The following SLC4A4 variants were observed in gnomAD, a reference collection of about 807,000 sequenced individuals.
SLC4A4 encodes electrogenic sodium bicarbonate cotransporter 1.
SLC4A4 carries 27 observed loss-of-function variants against 111.5 expected under a neutral mutation model. That is an observed-to-expected ratio of 0.24 (90% CI 0.18 to 0.33). SLC4A4 has a LOEUF of 0.33. Ranked by LOEUF, SLC4A4 falls within the 10% of genes least tolerant of loss-of-function variation. The pLI is 1.00. For missense variants in SLC4A4, 909 were observed against 1,315.5 expected, an observed-to-expected ratio of 0.69 and a Z score of 4.78; for synonymous variants, 443 against 463.4, an observed-to-expected ratio of 0.96 and a Z score of 0.57.
At chr4:71,184,734 G>C (rs1745397866), upstream of SLC4A4, among the ~76,000 whole-genome samples, 1 of 152,232 alleles carries the variant, frequency 6.6e-6, no homozygotes, top group South Asian at 2.1e-4. Flanking sequence ...AAAAATCTCA[G>C]GATTCATTGT....
chr4:71,474,242 T>C (rs562271906), intron 14 of SLC4A4, among the ~76,000 whole-genome samples: 1 of 151,928 alleles, frequency 6.6e-6, no homozygotes, highest in South Asian at 2.1e-4. Context: ...AAAATTGATA[T>C]ACAGTCCATA....
At chr4:71,516,523 G>A (rs1732414532) in intron 16 of SLC4A4, among the ~76,000 whole-genome samples, 1 of 152,168 alleles carries the variant, frequency 6.6e-6, no homozygotes, top group Admixed American at 6.5e-5. Flanking sequence ...AGTGGGGTGT[G>A]AGTGACCCAG....
chr4:71,332,309 A>G (rs999283581), intron 3 of SLC4A4, among the ~76,000 whole-genome samples: 16 of 152,022 alleles, frequency 1.1e-4, no homozygotes, highest in African/African-American at 3.6e-4. Context: ...ATCGCTTTGA[A>G]TAAACTTTCT....
intron 14 of SLC4A4, among the ~76,000 whole-genome samples, chr4:71,484,984 G>C (rs1240536693): frequency 6.6e-6 from 1 of 151,634 alleles, no homozygotes; most frequent in Non-Finnish European, 1.5e-5. Context: ...TTGCACATTG[G>C]TTTTGTATCC....
intron 16 of SLC4A4, among the ~76,000 whole-genome samples, chr4:71,512,405 G>C (rs566016006): frequency 7.9e-5 from 12 of 152,078 alleles, no homozygotes; most frequent in Admixed American, 6.6e-4. Context: ...GTGATGCTGA[G>C]CATTTTTTCA....
intron 6 of SLC4A4, among the ~76,000 whole-genome samples, chr4:71,357,941 G>C (rs1192584412): frequency 6.6e-6 from 1 of 152,132 alleles, no homozygotes; most frequent in Non-Finnish European, 1.5e-5. Context: ...GGAAAATGAA[G>C]GTATGAAGGA....
chr4:71,396,516 T>C (rs531247012), intron 6 of SLC4A4, among the ~76,000 whole-genome samples: 80 of 152,338 alleles, frequency 5.3e-4, no homozygotes, highest in African/African-American at 1.9e-3. Flanking sequence ...GTGCTTCTTT[T>C]CAACCCTTGT....
At chr4:71,276,169 T>C (rs1445261702) in intron 3 of SLC4A4, among the ~76,000 whole-genome samples, 1 of 152,120 alleles carries the variant, frequency 6.6e-6, no homozygotes, top group Admixed American at 6.5e-5. Context: ...TTTAAAAAGA[T>C]TATAGATTTG....
chr4:71,558,414 G>A (rs1736661292), intron 22 of SLC4A4, among the ~76,000 whole-genome samples: 1 of 151,892 alleles, frequency 6.6e-6, no homozygotes, highest in African/African-American at 2.4e-5. Context: ...ATAATGGTAA[G>A]TTTAAAGATA....
chr4:71,551,088 T>C (rs777372525), intron 20 of SLC4A4, among the ~76,000 whole-genome samples: 7 of 151,854 alleles, frequency 4.6e-5, no homozygotes, highest in Non-Finnish European at 8.8e-5. Context: ...GTGAGTATTC[T>C]GTATGGGGAA....
At chr4:71,116,099 T>C (rs1013976055) in intron 2 of SLC4A4, among the ~76,000 whole-genome samples, 9 of 152,182 alleles carry the variant, frequency 5.9e-5, no homozygotes, top group Non-Finnish European at 8.8e-5. Flanking sequence ...TTGACCACGT[T>C]GGTCAGGCTG....
intron 16 of SLC4A4, among the ~76,000 whole-genome samples, chr4:71,523,760 T>C (rs2149197389): frequency 6.6e-6 from 1 of 152,304 alleles, no homozygotes; most frequent in Middle Eastern, 3.4e-3. Flanking sequence ...ACTTTTACTC[T>C]TGTGTATTAA....
chr4:71,389,279 T>C (rs941520948), intron 6 of SLC4A4, among the ~76,000 whole-genome samples: 2 of 152,222 alleles, frequency 1.3e-5, no homozygotes, highest in African/African-American at 4.8e-5. Context: ...AGGAATGACA[T>C]CAGCTTTTGG....
chr4:71,490,157 T>A (rs531370398), intron 15 of SLC4A4, among the ~76,000 whole-genome samples: 1 of 151,956 alleles, frequency 6.6e-6, no homozygotes, highest in Non-Finnish European at 1.5e-5. Context: ...CCTGTAAACC[T>A]TTAAAATTAG....
chr4:71,130,909 G>A (rs1743684049), intron 2 of SLC4A4, among the ~76,000 whole-genome samples: 2 of 152,128 alleles, frequency 1.3e-5, no homozygotes, highest in African/African-American at 4.8e-5. Flanking sequence ...GTTGTGTGAA[G>A]GCAGTCATGG....
At chr4:71,136,514 T>A (rs1743847491) in intron 2 of SLC4A4, among the ~76,000 whole-genome samples, 1 of 152,162 alleles carries the variant, frequency 6.6e-6, no homozygotes, top group African/African-American at 2.4e-5. Flanking sequence ...TGAGGACCCA[T>A]CTTGGAGGGA....
intron 2 of SLC4A4, among the ~76,000 whole-genome samples, chr4:71,170,018 C>A (rs1162094606): frequency 2.0e-5 from 3 of 152,172 alleles, no homozygotes; most frequent in Non-Finnish European, 2.9e-5. Flanking sequence ...CCCTCAAGTG[C>A]CTTTGAATCT....
intron 18 of SLC4A4, among the ~76,000 whole-genome samples, chr4:71,545,679 C>T (rs937755252): frequency 3.3e-5 from 5 of 151,920 alleles, no homozygotes; most frequent in East Asian, 1.9e-4. Flanking sequence ...GTGTTTATTA[C>T]GTTAATGGTG....
chr4:71,323,854 GT>G (rs1727303539), intron 3 of SLC4A4, among the ~76,000 whole-genome samples: 1 of 151,776 alleles, frequency 6.6e-6, no homozygotes, highest in African/African-American at 2.4e-5. Flanking sequence ...CCAAACTACT[GT>G]GTTGTTTTGG....
Sources: allele counts gnomAD v4.1 joint callset (sites outside exome capture counted in the v4.1 genomes callset), GRCh38; gene constraint gnomAD v4.1.1; transcripts MANE v1.5; gene names NCBI Gene and HGNC (gene_info 2026-07-23, HGNC 2026-07-21).